MGAT4C: variants seen among roughly 807,000 people sequenced by gnomAD.
The protein encoded by MGAT4C is alpha-1,3-mannosyl-glycoprotein 4-beta-N-acetylglucosaminyltransferase C.
In MGAT4C, 19 loss-of-function variants were observed where a neutral mutation model predicts 40.1. That is an observed-to-expected ratio of 0.47 (90% confidence interval 0.33 to 0.70). MGAT4C has a LOEUF of 0.70. Among genes scored for constraint, MGAT4C ranks in the 30% least tolerant of loss-of-function variants. MGAT4C has a pLI of 0.02. For synonymous variants in MGAT4C, 181 were observed against 187.1 expected, an observed-to-expected ratio of 0.97 and a Z score of 0.27; for missense variants, 491 against 563.2, an observed-to-expected ratio of 0.87 and a Z score of 1.30.
At chr12:86,257,653 T>A (rs928411219), upstream of MGAT4C, among the ~76,000 whole-genome samples, 3 of 152,232 alleles carry the variant, frequency 2.0e-5, no homozygotes, top group South Asian at 6.2e-4. Context: ...CAGAAAATTA[T>A]TTTTACTCAA....
chr12:86,508,139 T>C (rs1958504534), intron 2 of MGAT4C, among the ~76,000 whole-genome samples: 1 of 152,180 alleles, frequency 6.6e-6, no homozygotes, highest in African/African-American at 2.4e-5. Context: ...ACATGTGCCA[T>C]GCTGGTGCGC....
At chr12:86,797,987 T>C (rs1429561539) in intron 1 of MGAT4C, among the ~76,000 whole-genome samples, 1 of 151,992 alleles carries the variant, frequency 6.6e-6, no homozygotes, top group African/African-American at 2.4e-5. Context: ...TTGTGTTCTT[T>C]ATATCTTAAC....
chr12:86,427,945 G>A (rs933662487), intron 3 of MGAT4C, among the ~76,000 whole-genome samples: 27 of 152,066 alleles, frequency 1.8e-4, no homozygotes, highest in East Asian at 5.8e-4. Context: ...GCTTGAACCC[G>A]GGAGGCAGAG....
intron 2 of MGAT4C, among the ~76,000 whole-genome samples, chr12:86,011,649 G>C (rs1383161755): frequency 6.6e-6 from 1 of 152,172 alleles, no homozygotes; most frequent in Non-Finnish European, 1.5e-5. Context: ...CCAATAGGTA[G>C]CCATTTAAAC....
intron 1 of MGAT4C, among the ~76,000 whole-genome samples, chr12:86,186,794 A>G (rs1333086668): frequency 1.3e-5 from 2 of 152,110 alleles, no homozygotes; most frequent in Admixed American, 1.3e-4. Flanking sequence ...TGTTCGTAAG[A>G]CCAGTTACAT....
intron 1 of MGAT4C, among the ~76,000 whole-genome samples, chr12:86,109,065 T>A (rs1876730776): frequency 6.6e-6 from 1 of 152,136 alleles, no homozygotes; most frequent in Admixed American, 6.6e-5. Context: ...TCCTGTATGG[T>A]CAGTAAATCT....
At chr12:86,737,951 A>G (rs996492471) in intron 1 of MGAT4C, among the ~76,000 whole-genome samples, 1 of 151,528 alleles carries the variant, frequency 6.6e-6, no homozygotes, top group Non-Finnish European at 1.5e-5. Flanking sequence ...GTCTATTTTA[A>G]AAAGAAGCCA....
intron 2 of MGAT4C, among the ~76,000 whole-genome samples, chr12:86,465,074 C>A (rs1308253189): frequency 6.6e-6 from 1 of 152,020 alleles, no homozygotes; most frequent in Non-Finnish European, 1.5e-5. Flanking sequence ...ACAATTAGGT[C>A]ATAGATTAAC....
intron 1 of MGAT4C, among the ~76,000 whole-genome samples, chr12:86,779,902 G>T (rs926632484): frequency 3.3e-5 from 5 of 151,594 alleles, no homozygotes; most frequent in African/African-American, 1.2e-4. Flanking sequence ...GACAGTGTGA[G>T]ACTTTGTCTC....
At chr12:86,145,310 T>G (rs1029068907) in intron 1 of MGAT4C, among the ~76,000 whole-genome samples, 4 of 152,188 alleles carry the variant, frequency 2.6e-5, no homozygotes, top group African/African-American at 9.7e-5. Flanking sequence ...GGAGACCATT[T>G]TCATGCAGTT....
chr12:85,959,974 C>T lies in MGAT4C; in HGVS notation c.*19315G>A, dbSNP rs1175825163. ...AACTGTGAAGATAATATCCTATTCT[C>T]CTTTTCTTATGGTTTTATTGTGAAG... On this transcript the variant is annotated 3_prime_UTR_variant, in exon 5 of 5. Coordinates refer to ENST00000611864, the MANE Select transcript of MGAT4C (RefSeq NM_001351288.2). The T allele has an allele frequency of 6.6e-6, 1 of 151,920 alleles. No homozygotes were observed. 9.4% of individuals were successfully genotyped at this position (151,920 alleles called of 1,614,324 possible).
chr12:86,140,935 T>C (rs2135738400), intron 1 of MGAT4C, among the ~76,000 whole-genome samples: 1 of 152,300 alleles, frequency 6.6e-6, no homozygotes, highest in South Asian at 2.1e-4. Flanking sequence ...AACTTCCAAG[T>C]GAGTGGTATG....
intron 4 of MGAT4C, among the ~76,000 whole-genome samples, chr12:86,326,057 C>T (rs1312857210): frequency 6.6e-6 from 1 of 151,956 alleles, no homozygotes; most frequent in African/African-American, 2.4e-5. Flanking sequence ...TATTACTGAT[C>T]TGAGCTTGCC....
At chr12:86,329,102 CAATAAATAAATAAATAAATA>C (rs59833458) in intron 4 of MGAT4C, among the ~76,000 whole-genome samples, 1 of 139,316 alleles carries the variant, frequency 7.2e-6, no homozygotes, top group African/African-American at 2.6e-5. Flanking sequence ...GACTCCATTT[CAATAAATAAATAAATAAATA>C]AATAAATAAA....
At position 85,970,076 on chromosome 12, in the gene MGAT4C, A is replaced by T. The variant is rs911417080; in HGVS notation, c.*9213T>A. 1 of 151,302 alleles carries T rather than the reference A, an allele frequency of 6.6e-6. No individual in the cohort carries two copies. The highest frequency in any genetic ancestry group is 1.9e-4 in the East Asian group (1 of 5,194). The allele number at this position is 151,302 out of a possible 1,614,324, so 9.4% of individuals were successfully genotyped here. ...CCTTTTCTCTGGACCTAGATAATTT[A>T]GTCTCACTCTGTGGCCTTTACCCTT... is the stretch of plus-strand genomic sequence containing the variant. On this transcript the variant is annotated 3_prime_UTR_variant, in exon 5 of 5. Coordinates refer to ENST00000611864, the MANE Select transcript of MGAT4C (RefSeq NM_001351288.2).
chr12:86,823,671 A>G (rs190668929), intron 1 of MGAT4C, among the ~76,000 whole-genome samples: 2 of 151,574 alleles, frequency 1.3e-5, no homozygotes, highest in East Asian at 3.9e-4. Flanking sequence ...AAAGAGAGTT[A>G]AAAGGGATTA....
intron 2 of MGAT4C, among the ~76,000 whole-genome samples, chr12:86,698,817 C>T (rs1950305089): frequency 1.3e-5 from 2 of 152,086 alleles, no homozygotes; most frequent in African/African-American, 2.4e-5. Flanking sequence ...GAAAATTGAA[C>T]TCTAACAGAT....
At chr12:86,792,961 C>A (rs1952051997) in intron 1 of MGAT4C, among the ~76,000 whole-genome samples, 1 of 152,018 alleles carries the variant, frequency 6.6e-6, no homozygotes, top group Non-Finnish European at 1.5e-5. Context: ...GAAATAACAT[C>A]CTTTTGGCTA....
At chr12:86,585,035 T>A (rs1960954672) in intron 2 of MGAT4C, among the ~76,000 whole-genome samples, 1 of 151,438 alleles carries the variant, frequency 6.6e-6, no homozygotes, top group Admixed American at 6.6e-5. Flanking sequence ...AGAGTATGGT[T>A]CAACCATTAT....
Sources: allele counts gnomAD v4.1 joint callset (sites outside exome capture counted in the v4.1 genomes callset), GRCh38; gene constraint gnomAD v4.1.1; transcripts MANE v1.5; gene names NCBI Gene and HGNC (gene_info 2026-07-23, HGNC 2026-07-21).